Variants in CXADR observed in about 807,000 individuals in gnomAD.
CXADR encodes coxsackievirus and adenovirus receptor.
A neutral mutation model predicts 40.3 loss-of-function variants in CXADR; 20 were observed. The observed-to-expected ratio is 0.50, with a 90% CI of 0.35 to 0.72. The LOEUF (loss-of-function observed/expected upper bound fraction) is 0.72, where lower values mean the gene tolerates loss of function less well. Among genes scored for constraint, CXADR ranks in the 30% least tolerant of loss-of-function variants. The probability of loss-of-function intolerance (pLI) is 0.01; values close to 1 mark genes in which losing one functional copy is unlikely to be tolerated. For missense variants in CXADR, 332 were observed against 449.1 expected (o/e 0.74, Z 2.36); for synonymous variants, 150 against 161.3 (o/e 0.93, Z 0.53).
intron 2 of CXADR, among the ~76,000 whole-genome samples, chr21:17,547,427 C>T (rs1269734226): frequency 6.6e-6 from 1 of 152,160 alleles, no homozygotes; most frequent in African/African-American, 2.4e-5. Context: ...AGCAAAAGAT[C>T]ACTGGAGTTC....
chr21:17,554,336 G>A (rs951366829), intron 3 of CXADR, among the ~76,000 whole-genome samples: 3 of 152,290 alleles, frequency 2.0e-5, no homozygotes, highest in African/African-American at 7.2e-5. Flanking sequence ...GGCAGGAGCC[G>A]TGACTGCCCG....
At chr21:17,546,379 A>G (rs2060897041) in intron 1 of CXADR, among the ~76,000 whole-genome samples, 2 of 152,178 alleles carry the variant, frequency 1.3e-5, no homozygotes, top group African/African-American at 4.8e-5. Context: ...AATACCTAAA[A>G]CTGGGTAATT....
the CXADR span, chr21:17,611,573 T>TTACA: frequency 6.6e-6 from 1 of 150,476 alleles, no homozygotes; most frequent in African/African-American, 2.5e-5. Flanking sequence ...AGAGGGAGAG[T>TTACA]TACAGTCAGG....
chr21:17,633,145 C>G, the CXADR span: 1 of 152,180 alleles, frequency 6.6e-6, no homozygotes, highest in African/African-American at 2.4e-5. Context: ...TTTTCTTCCC[C>G]CAGGCACAGG....
At chr21:17,582,539 A>G (rs1271223278) in intron 7 of CXADR, among the ~76,000 whole-genome samples, 1 of 152,162 alleles carries the variant, frequency 6.6e-6, no homozygotes, top group Non-Finnish European at 1.5e-5. Flanking sequence ...CTGTCTTTTC[A>G]TGTGTTTATC....
chr21:17,617,793 G>A, the CXADR span, among the ~76,000 whole-genome samples: 1 of 152,046 alleles, frequency 6.6e-6, no homozygotes, highest in Non-Finnish European at 1.5e-5. Context: ...GATGAAGGTC[G>A]GGGTGGCTGT....
Position 17,561,434 on chromosome 21 carries a change from G to T in CXADR, c.791G>T (p.Arg264Leu), listed in dbSNP as rs778453029. ...ATCATCTTTTGCTGTCGTAAAAAGC[G>T]CAGAGAAGAAAAATATGAAAAGGAA... is the stretch of plus-strand genomic sequence containing the variant. ...GLIIFCCRKK[R>L]REEKYEKEVH... The change falls in exon 6 of 7, where the codon CGC (arginine) becomes CTC (leucine). Residue 264 changes from arginine (R) to leucine (L), a missense_variant. Physicochemically the swap from Arg to Leu is moderately radical, Grantham distance 102. This residue lies in a region of CXADR where 150 missense variants were observed against 194.2 expected (regional missense o/e 0.77). Transcript: ENST00000284878. 11 of 1,611,796 alleles carry T rather than the reference G, an allele frequency of 6.8e-6. No homozygotes were observed. Among genetic ancestry groups the T allele is most frequent in the East Asian group, 4.5e-5 (2 of 44,778 alleles).
intron 6 of CXADR, among the ~76,000 whole-genome samples, chr21:17,565,012 G>A (rs1269256992): frequency 6.6e-6 from 1 of 152,174 alleles, no homozygotes; most frequent in Non-Finnish European, 1.5e-5. Flanking sequence ...TGGGATTACA[G>A]GTGTGATTAA....
intron 1 of CXADR, among the ~76,000 whole-genome samples, chr21:17,513,569 A>G (rs924571694): frequency 1.3e-5 from 2 of 152,214 alleles, no homozygotes; most frequent in Non-Finnish European, 2.9e-5. Flanking sequence ...CCCGATTTCA[A>G]AAACCTTGGG....
At chr21:17,589,982 C>T (rs1012066958) in intron 7 of CXADR, among the ~76,000 whole-genome samples, 3 of 152,014 alleles carry the variant, frequency 2.0e-5, no homozygotes, top group Non-Finnish European at 2.9e-5. Context: ...TTGGTCATAA[C>T]ACTAATATTA....
the CXADR span, among the ~76,000 whole-genome samples, chr21:17,622,273 C>T: frequency 6.6e-6 from 1 of 151,544 alleles, no homozygotes; most frequent in Admixed American, 6.6e-5. Context: ...AGAGCTTGTT[C>T]CCACCCCACC....
intron 1 of CXADR, among the ~76,000 whole-genome samples, chr21:17,524,974 GTT>G: frequency 6.6e-6 from 1 of 152,258 alleles, no homozygotes; most frequent in Non-Finnish European, 1.5e-5. Context: ...AGTTTTTGTA[GTT>G]TATTTCAGTT....
the CXADR span, chr21:17,614,050 T>C: frequency 6.6e-6 from 1 of 151,986 alleles, no homozygotes; most frequent in African/African-American, 2.4e-5. Context: ...TGGTAATTTT[T>C]TTAGCAGTAA....
the CXADR span, among the ~76,000 whole-genome samples, chr21:17,604,686 C>CTT: frequency 6.6e-6 from 1 of 152,210 alleles, no homozygotes; most frequent in Non-Finnish European, 1.5e-5. Flanking sequence ...AAGCAGAAAT[C>CTT]TAACTAGTCC....
downstream of CXADR, chr21:17,593,835 A>G (rs1040038940): frequency 1.1e-4 from 48 of 428,330 alleles, no homozygotes; most frequent in African/African-American, 9.4e-4. Flanking sequence ...GAGTTGATGC[A>G]CAATATATAA....
At chr21:17,597,921 TAAGTA>T (rs1191651634), downstream of CXADR, among the ~76,000 whole-genome samples, 1 of 152,160 alleles carries the variant, frequency 6.6e-6, no homozygotes, top group Non-Finnish European at 1.5e-5. Flanking sequence ...TCAAAGCAAG[TAAGTA>T]AAAATAGATA....
the CXADR span, among the ~76,000 whole-genome samples, chr21:17,616,738 G>A: frequency 6.6e-6 from 1 of 151,990 alleles, no homozygotes; most frequent in Non-Finnish European, 1.5e-5. Context: ...GCAGCCTTCT[G>A]GGGCCTTTGG....
At chr21:17,536,883 A>T (rs1381866926) in intron 1 of CXADR, among the ~76,000 whole-genome samples, 1 of 151,996 alleles carries the variant, frequency 6.6e-6, no homozygotes, top group African/African-American at 2.4e-5. Flanking sequence ...CAGCCTCCCA[A>T]GTAACTGGGA....
chr21:17,562,491 C>A (rs2061137993), intron 6 of CXADR, among the ~76,000 whole-genome samples: 1 of 152,104 alleles, frequency 6.6e-6, no homozygotes, highest in Non-Finnish European at 1.5e-5. Flanking sequence ...CTGACTAATT[C>A]TTGTATTTTT....
Sources: allele counts gnomAD v4.1 joint callset (sites outside exome capture counted in the v4.1 genomes callset), GRCh38; gene constraint gnomAD v4.1.1; regional missense constraint gnomAD v4.1.1; transcripts MANE v1.5; gene names NCBI Gene and HGNC (gene_info 2026-07-23, HGNC 2026-07-21).